Variants in CDK17 observed in about 807,000 individuals in gnomAD.
CDK17 encodes the protein cyclin dependent kinase 17.
Under a neutral mutation model 77.6 loss-of-function variants are expected in CDK17, and 24 were observed. The observed-to-expected ratio is 0.31, with a 90% CI of 0.22 to 0.44. The LOEUF (loss-of-function observed/expected upper bound fraction) is 0.44. Ranked by LOEUF, CDK17 falls within the 20% of genes least tolerant of loss-of-function variation. CDK17 has a pLI of 1.00. For missense variants in CDK17, 429 were observed against 622.5 expected (o/e 0.69, Z 3.31); for synonymous variants, 203 against 210.4 (o/e 0.96, Z 0.30).
intron 1 of CDK17, among the ~76,000 whole-genome samples, chr12:96,348,704 C>A (rs1449546423): frequency 6.6e-6 from 1 of 151,988 alleles, no homozygotes; most frequent in African/African-American, 2.4e-5. Flanking sequence ...TATATGCTAA[C>A]AAATTGGATA....
At chr12:96,394,623 TG>T (rs1954135627) in intron 1 of CDK17, among the ~76,000 whole-genome samples, 1 of 152,016 alleles carries the variant, frequency 6.6e-6, no homozygotes, top group Non-Finnish European at 1.5e-5. Context: ...GAGACCAGCC[TG>T]GCCAACATGG....
intron 5 of CDK17, chr12:96,303,062 T>A (rs535379352): frequency 6.6e-6 from 1 of 152,216 alleles, no homozygotes; most frequent in Non-Finnish European, 1.5e-5. Flanking sequence ...ATAAAATTTT[T>A]AGAAAATTTT....
intron 1 of CDK17, among the ~76,000 whole-genome samples, chr12:96,367,484 T>C (rs1204343514): frequency 1.3e-5 from 2 of 151,314 alleles, no homozygotes; most frequent in Non-Finnish European, 2.9e-5. Flanking sequence ...AATAAGAAAA[T>C]GTGAATTATA....
intron 1 of CDK17, among the ~76,000 whole-genome samples, chr12:96,365,705 A>G (rs1367507747): frequency 6.6e-6 from 1 of 152,202 alleles, no homozygotes; most frequent in Non-Finnish European, 1.5e-5. Flanking sequence ...TTATTTCCTA[A>G]TGAGGTCAAC....
intron 10 of CDK17, among the ~76,000 whole-genome samples, chr12:96,293,583 G>A (rs953701862): frequency 6.6e-6 from 1 of 152,200 alleles, no homozygotes; most frequent in African/African-American, 2.4e-5. Flanking sequence ...GAACTAGAAA[G>A]TAAGTGGTCT....
chr12:96,297,420 G>C, intron 8 of CDK17, 88 bp from the exon 9 acceptor site: 2 of 915,696 alleles, frequency 2.2e-6, no homozygotes, highest in South Asian at 3.0e-5. Context: ...AAAATTAGTT[G>C]TTTTTCAAGA....
intron 1 of CDK17, among the ~76,000 whole-genome samples, chr12:96,394,398 A>T (rs1296698148): frequency 1.3e-5 from 2 of 152,238 alleles, no homozygotes; most frequent in African/African-American, 4.8e-5. Flanking sequence ...ACTAGAATAC[A>T]ATGAAAGAGA....
At chr12:96,306,022 C>A (rs1164033627) in intron 5 of CDK17, among the ~76,000 whole-genome samples, 1 of 152,092 alleles carries the variant, frequency 6.6e-6, no homozygotes, top group Non-Finnish European at 1.5e-5. Context: ...ACATCTGGCC[C>A]TCTCTCTTTT....
rs4474489 is a variant in CDK17 at position 96,316,426 on chromosome 12, A to C, written c.284-2972T>G. 7.0e-5 allele frequency among the ~76,000 whole-genome samples: 10 copies of C among 142,024 alleles called. 1 individual carries two copies. The highest frequency in any genetic ancestry group is 1.2e-4 in the Non-Finnish European group (8 of 64,684). 93.2% of individuals were successfully genotyped at this position (142,024 alleles called of 152,430 possible). A position where few individuals can be genotyped will look rare whatever the true frequency, so the allele number is the denominator to read the frequency against. On this transcript the variant is annotated intron_variant, in intron 3 of 16. Transcript: ENST00000261211. Reference sequence around the variant, plus strand: ...GCTTGCTTAGGTAAACAAAGCAGCCACGAAGCTCGAACTGGGTGGAGCCCA... The same window carrying C: ...GCTTGCTTAGGTAAACAAAGCAGCCCCGAAGCTCGAACTGGGTGGAGCCCA...
chr12:96,294,611 A>AAAAAAAAAAAAG lies in CDK17; in HGVS notation c.997+387_997+388insCTTTTTTTTTTT, dbSNP rs71097274. On this transcript the variant is annotated intron_variant, in intron 10 of 16. Coordinates refer to ENST00000261211, the MANE Select transcript of CDK17 (RefSeq NM_002595.5). Reference sequence around the variant, plus strand: ...AAAAAAAAAAAAAAAAAAAAAAAAAAGATATATTTTGGTGCCACTACTTTG... The same window carrying AAAAAAAAAAAAG: ...AAAAAAAAAAAAAAAAAAAAAAAAAAAAAAAAAAAAAGGATATATTTTGGTGCCACTACTTTG... Among the ~76,000 whole-genome samples, 3 of 121,254 alleles carry AAAAAAAAAAAAG rather than the reference A, an allele frequency of 2.5e-5. 1 individual carries two copies. The highest frequency in any genetic ancestry group is 5.2e-5 in the Non-Finnish European group (3 of 57,760). The allele number at this position is 121,254 out of a possible 152,430, so 79.5% of individuals were successfully genotyped here. A position where few individuals can be genotyped will look rare whatever the true frequency, so the allele number is the denominator to read the frequency against.
intron 5 of CDK17, among the ~76,000 whole-genome samples, chr12:96,305,568 G>A (rs1341251557): frequency 6.6e-6 from 1 of 152,100 alleles, no homozygotes; most frequent in Non-Finnish European, 1.5e-5. Context: ...AGTTTATAGG[G>A]ATAACAGATA....
chr12:96,315,167 T>A lies in CDK17; in HGVS notation c.284-1713A>T, dbSNP rs73366513. On this transcript the variant is annotated intron_variant, in intron 3 of 16. Coordinates refer to ENST00000261211, the MANE Select transcript of CDK17 (RefSeq NM_002595.5). ...ATAAAATATCAATGTGTGAGACAAT[T>A]GTATTTTATAAGTATAAATGTTAAC... 6.7e-3 allele frequency among the ~76,000 whole-genome samples: 1,022 copies of A among 152,356 alleles called. 12 individuals are homozygous for A. Among genetic ancestry groups the A allele is most frequent in the African/African-American group, 0.022 (927 of 41,582 alleles).
At chr12:96,355,221 T>C (rs1356055609) in intron 1 of CDK17, among the ~76,000 whole-genome samples, 5 of 151,848 alleles carry the variant, frequency 3.3e-5, no homozygotes, top group African/African-American at 7.3e-5. Flanking sequence ...CTGCTTGGAA[T>C]GCATTTTCTC....
intron 1 of CDK17, among the ~76,000 whole-genome samples, chr12:96,385,609 G>A (rs913707286): frequency 6.6e-6 from 1 of 151,750 alleles, no homozygotes; most frequent in Non-Finnish European, 1.5e-5. Flanking sequence ...AACACTAAAA[G>A]TAACAGCCAC....
At chr12:96,305,286 G>A (rs749733988) in intron 5 of CDK17, among the ~76,000 whole-genome samples, 17 of 152,162 alleles carry the variant, frequency 1.1e-4, no homozygotes, top group South Asian at 2.1e-4. Flanking sequence ...AGGGAGTATC[G>A]GGACAGAAAA....
chr12:96,283,729 A>T, intron 13 of CDK17, 84 bp from the exon 14 acceptor site: 1 of 860,942 alleles, frequency 1.2e-6, no homozygotes, highest in Non-Finnish European at 1.9e-6. Context: ...TAAGTGTTTT[A>T]ATCTGCTAAA....
At chr12:96,302,747 T>C (rs1952525530) in intron 5 of CDK17, among the ~76,000 whole-genome samples, 1 of 152,136 alleles carries the variant, frequency 6.6e-6, no homozygotes, top group Non-Finnish European at 1.5e-5. Flanking sequence ...GGTCCAATGG[T>C]TACTATGACA....
intron 1 of CDK17, among the ~76,000 whole-genome samples, chr12:96,369,005 A>C (rs2137204228): frequency 6.6e-6 from 1 of 152,282 alleles, no homozygotes; most frequent in East Asian, 1.9e-4. Context: ...AAAGTTTGAA[A>C]AAGGGCTTCA....
At chr12:96,291,222 G>C (rs1341433310) in intron 10 of CDK17, among the ~76,000 whole-genome samples, 8 of 152,138 alleles carry the variant, frequency 5.3e-5, no homozygotes, top group African/African-American at 1.9e-4. Context: ...AATTTGCCTG[G>C]CTTGCATTGT....
Sources: gnomAD v4.1 joint callset for allele counts (sites outside exome capture counted in the v4.1 genomes callset) on GRCh38, gnomAD v4.1.1 for gene constraint, MANE v1.5 for transcripts, NCBI Gene and HGNC (gene_info 2026-07-23, HGNC 2026-07-21) for gene names.